Variants in CSMD1 observed in about 807,000 individuals in gnomAD.
CSMD1 encodes the protein CUB and sushi domain-containing protein 1.
Under a neutral mutation model 417.5 loss-of-function variants are expected in CSMD1, and 213 were observed. The observed-to-expected ratio is 0.51, with a 90% CI of 0.46 to 0.57. The LOEUF is 0.57. Ranked by LOEUF, CSMD1 falls within the 20% of genes least tolerant of loss-of-function variation. CSMD1 has a pLI of 0.00. For missense variants in CSMD1, 6,923 were observed against 4,529.7 expected (o/e 1.53, Z -15.17); for synonymous variants, 2,862 against 1,736.8 (o/e 1.65, Z -16.11).
intron 5 of CSMD1, among the ~76,000 whole-genome samples, chr8:3,981,127 T>G (rs1813827123): frequency 6.6e-6 from 1 of 152,146 alleles, no homozygotes; most frequent in Non-Finnish European, 1.5e-5. Context: ...TCAGGAGTCC[T>G]CCAGATGGAA....
chr8:3,848,280 G>A (rs1163622195), intron 5 of CSMD1, among the ~76,000 whole-genome samples: 1 of 152,050 alleles, frequency 6.6e-6, no homozygotes, highest in East Asian at 1.9e-4. Context: ...TGCCCAACAG[G>A]GGAGCTCATT....
intron 3 of CSMD1, among the ~76,000 whole-genome samples, chr8:4,248,991 C>T (rs1802884895): frequency 6.6e-6 from 1 of 152,114 alleles, no homozygotes; most frequent in Non-Finnish European, 1.5e-5. Flanking sequence ...CATAAACAAA[C>T]ACTAGACCAT....
intron 3 of CSMD1, among the ~76,000 whole-genome samples, chr8:4,378,358 CAT>C (rs1303395941): frequency 3.3e-5 from 5 of 152,192 alleles, no homozygotes; most frequent in Admixed American, 3.3e-4. Context: ...GTAGGTGGAA[CAT>C]AATCATGAGA....
chr8:4,827,660 G>A (rs1389388690), intron 1 of CSMD1, among the ~76,000 whole-genome samples: 4 of 152,060 alleles, frequency 2.6e-5, no homozygotes, highest in African/African-American at 4.8e-5. Flanking sequence ...TTCTCGAAAT[G>A]CTTACTCTGA....
At chr8:4,953,180 T>C (rs1285997375) in intron 1 of CSMD1, among the ~76,000 whole-genome samples, 2 of 152,188 alleles carry the variant, frequency 1.3e-5, no homozygotes, top group African/African-American at 4.8e-5. Context: ...AAGTATAAGG[T>C]AGCACTCATT....
chr8:3,534,355 T>C (rs1396730648), intron 10 of CSMD1, among the ~76,000 whole-genome samples: 1 of 152,126 alleles, frequency 6.6e-6, no homozygotes, highest in Non-Finnish European at 1.5e-5. Flanking sequence ...CTCTCAGTTC[T>C]CTTTAAATGC....
chr8:4,346,480 C>G (rs965152888), intron 3 of CSMD1, among the ~76,000 whole-genome samples: 1 of 152,142 alleles, frequency 6.6e-6, no homozygotes, highest in African/African-American at 2.4e-5. Flanking sequence ...TAATCCATCC[C>G]TGCTCTGATA....
intron 9 of CSMD1, among the ~76,000 whole-genome samples, chr8:3,584,993 G>T (rs1225656515): frequency 6.6e-6 from 1 of 152,110 alleles, no homozygotes; most frequent in Non-Finnish European, 1.5e-5. Context: ...GCATTTCCTG[G>T]ACCAGAGATT....
At chr8:4,831,966 G>C (rs1210052775) in intron 1 of CSMD1, among the ~76,000 whole-genome samples, 2 of 152,186 alleles carry the variant, frequency 1.3e-5, no homozygotes, top group Non-Finnish European at 2.9e-5. Context: ...GGGAGAAAAA[G>C]TGAGGGGAAC....
intron 20 of CSMD1, 95 bp downstream of exon 20, chr8:3,366,937 A>T: frequency 1.0e-6 from 1 of 956,388 alleles, no homozygotes; most frequent in Non-Finnish European, 1.6e-6. Context: ...ACGGATGCAC[A>T]CATTACACAC....
chr8:3,675,461 T>C (rs888386458), intron 7 of CSMD1, among the ~76,000 whole-genome samples: 2 of 152,130 alleles, frequency 1.3e-5, no homozygotes, highest in Non-Finnish European at 1.5e-5. Context: ...CAAGAGAAGG[T>C]GATTGCAATG....
intron 11 of CSMD1, among the ~76,000 whole-genome samples, chr8:3,484,681 A>G (rs1817925432): frequency 2.0e-5 from 3 of 152,198 alleles, no homozygotes; most frequent in African/African-American, 7.2e-5. Flanking sequence ...ATAGCTGCAA[A>G]CCATGTATTC....
chr8:3,841,011 A>T (rs960701420), intron 5 of CSMD1, among the ~76,000 whole-genome samples: 2 of 152,010 alleles, frequency 1.3e-5, no homozygotes, highest in African/African-American at 4.8e-5. Context: ...CTGTCCGGTG[A>T]TCTCAATTCT....
At chr8:3,974,861 G>C (rs573569779) in intron 5 of CSMD1, among the ~76,000 whole-genome samples, 7 of 151,986 alleles carry the variant, frequency 4.6e-5, no homozygotes, top group African/African-American at 1.4e-4. Flanking sequence ...ATAAAATCAG[G>C]TGTTATCATA....
At chr8:3,412,105 T>C (rs1031539601) in intron 12 of CSMD1, among the ~76,000 whole-genome samples, 3 of 121,668 alleles carry the variant, frequency 2.5e-5, no homozygotes, top group Non-Finnish European at 4.9e-5. Flanking sequence ...TATATATACA[T>C]ATATACATAT....
chr8:3,520,558 G>C (rs987243330), intron 10 of CSMD1, among the ~76,000 whole-genome samples: 1 of 152,074 alleles, frequency 6.6e-6, no homozygotes, highest in Non-Finnish European at 1.5e-5. Flanking sequence ...ATCATTTCTA[G>C]AAGTGCGTAC....
chr8:4,529,973 G>A (rs978258434), intron 2 of CSMD1, among the ~76,000 whole-genome samples: 2 of 151,716 alleles, frequency 1.3e-5, no homozygotes, highest in Non-Finnish European at 2.9e-5. Flanking sequence ...GGAGTGCAGT[G>A]GCGAGATCCC....
At chr8:4,287,775 C>G (rs538171293) in intron 3 of CSMD1, among the ~76,000 whole-genome samples, 1 of 151,714 alleles carries the variant, frequency 6.6e-6, no homozygotes, top group Non-Finnish European at 1.5e-5. Flanking sequence ...GTCGGTTGAG[C>G]GAGTTGGACT....
chr8:4,140,025 G>A (rs1803685897), intron 3 of CSMD1, among the ~76,000 whole-genome samples: 1 of 150,904 alleles, frequency 6.6e-6, no homozygotes. Flanking sequence ...ACCTCAATTT[G>A]CCTGGAAGGA....
Sources: allele counts gnomAD v4.1 joint callset (sites outside exome capture counted in the v4.1 genomes callset), GRCh38; gene constraint gnomAD v4.1.1; transcripts MANE v1.5; gene names NCBI Gene and HGNC (gene_info 2026-07-23, HGNC 2026-07-21).